The following LRRIQ3 variants were observed in gnomAD, a reference collection of about 807,000 sequenced individuals.
The protein encoded by LRRIQ3 is leucine rich repeats and IQ motif containing 3.
A neutral mutation model predicts 59.3 loss-of-function variants in LRRIQ3; 75 were observed. That is an observed-to-expected ratio of 1.26 (90% CI 1.05 to 1.53). LRRIQ3 has a LOEUF of 1.53. Ranked by LOEUF, LRRIQ3 falls within the 40% of genes most tolerant of loss-of-function variation. The pLI, the probability that LRRIQ3 is intolerant of heterozygous loss-of-function variation, is 0.00. For missense variants in LRRIQ3, 831 were observed against 710.0 expected (o/e 1.17, Z -1.94); for synonymous variants, 250 against 231.3 (o/e 1.08, Z -0.73).
At position 74,041,247 on chromosome 1, in the gene LRRIQ3, T is replaced by A; in HGVS notation, c.1684A>T (p.Arg562Ter). 1 of 1,589,038 alleles carries A rather than the reference T, an allele frequency of 6.3e-7. No individual in the cohort carries two copies. The highest frequency in any genetic ancestry group is 8.5e-7 in the Non-Finnish European group (1 of 1,171,266). The change falls in exon 7 of 8, where the codon AGA becomes TGA. Residue 562 changes from arginine to a stop codon, truncating the protein, a stop_gained. Coordinates refer to ENST00000354431, the MANE Select transcript of LRRIQ3 (RefSeq NM_001105659.2). LOFTEE classifies it low-confidence loss of function (END_TRUNC). ...VKQKLKAEKY[R>*]KNLLKEMKKV... ...TTCATTTCTTTAAGTAAATTCTTTC[T>A]ATATTTTTCTGCTTTTAGTTTTTGC... is the stretch of plus-strand genomic sequence containing the variant.
intron 6 of LRRIQ3, among the ~76,000 whole-genome samples, chr1:74,059,395 C>T (rs1037720511): frequency 6.6e-6 from 1 of 151,900 alleles, no homozygotes; most frequent in African/African-American, 2.4e-5. Context: ...GATCTATGAT[C>T]CATTTAAAGT....
intron 4 of LRRIQ3, among the ~76,000 whole-genome samples, chr1:74,139,116 A>ATG (rs1303002277): frequency 2.0e-5 from 1 of 50,786 alleles, no homozygotes; most frequent in East Asian, 1.3e-3. Context: ...ACATATATGT[A>ATG]TGTGTGTGTG....
chr1:74,186,878 TA>T (rs1436940358), intron 1 of LRRIQ3, among the ~76,000 whole-genome samples: 1 of 152,142 alleles, frequency 6.6e-6, no homozygotes, highest in Non-Finnish European at 1.5e-5. Flanking sequence ...TGATGTTACT[TA>T]ATGCAGTGTC....
At chr1:74,133,001 C>T (rs1345076885) in intron 4 of LRRIQ3, among the ~76,000 whole-genome samples, 1 of 152,092 alleles carries the variant, frequency 6.6e-6, no homozygotes, top group Non-Finnish European at 1.5e-5. Context: ...CTACAAAGAA[C>T]TTAAACAAAT....
chr1:74,147,778 T>C (rs1353341618), intron 4 of LRRIQ3, among the ~76,000 whole-genome samples: 1 of 152,142 alleles, frequency 6.6e-6, no homozygotes, highest in Non-Finnish European at 1.5e-5. Flanking sequence ...CCTTTTGGGG[T>C]TGAATCTTTT....
intron 6 of LRRIQ3, among the ~76,000 whole-genome samples, chr1:74,071,389 C>T (rs1050756454): frequency 6.6e-6 from 1 of 152,006 alleles, no homozygotes; most frequent in African/African-American, 2.4e-5. Flanking sequence ...TGGAAAATGT[C>T]AATAAACTAC....
intron 1 of LRRIQ3, among the ~76,000 whole-genome samples, chr1:74,191,550 C>T (rs1431200098): frequency 2.0e-5 from 3 of 151,982 alleles, no homozygotes; most frequent in African/African-American, 7.3e-5. Context: ...GGCCATAAAA[C>T]ATGCCTTATC....
chr1:74,033,994 A>T (rs1653795151), intron 7 of LRRIQ3, among the ~76,000 whole-genome samples: 1 of 152,108 alleles, frequency 6.6e-6, no homozygotes, highest in Admixed American at 6.6e-5. Flanking sequence ...TTTCATTTCA[A>T]AGTCTATCTT....
intron 4 of LRRIQ3, 99 bp downstream of exon 4, chr1:74,155,634 A>C: frequency 1.9e-6 from 2 of 1,076,600 alleles, no homozygotes; most frequent in Non-Finnish European, 2.6e-6. Context: ...TTAATGATAG[A>C]GAATACAAAA....
At chr1:74,045,850 A>G (rs1654186744) in intron 6 of LRRIQ3, among the ~76,000 whole-genome samples, 1 of 152,156 alleles carries the variant, frequency 6.6e-6, no homozygotes, top group African/African-American at 2.4e-5. Flanking sequence ...GTGAACTCCC[A>G]TTTACAACCA....
intron 3 of LRRIQ3, chr1:74,180,723 G>C (rs112361212): frequency 2.6e-6 from 4 of 1,549,784 alleles, no homozygotes; most frequent in African/African-American, 1.4e-5. Flanking sequence ...TGACTCATTT[G>C]CTGTCCAATA....
intron 4 of LRRIQ3, among the ~76,000 whole-genome samples, chr1:74,147,047 G>A (rs1647616288): frequency 6.6e-6 from 1 of 152,006 alleles, no homozygotes. Flanking sequence ...GGGCAACATT[G>A]CGAAACTCCA....
chr1:74,049,915 T>A (rs1179511304), intron 6 of LRRIQ3, among the ~76,000 whole-genome samples: 2 of 37,436 alleles, frequency 5.3e-5, no homozygotes, highest in East Asian at 5.2e-3. Flanking sequence ...CACCTTTGTG[T>A]CTTTTTTTTC....
At chr1:74,050,677 A>T in intron 6 of LRRIQ3, 1 of 432,740 alleles carries the variant, frequency 2.3e-6, no homozygotes, top group Non-Finnish European at 3.1e-6. Flanking sequence ...AACTGGCCTG[A>T]CACCTTTGCA....
At chr1:74,190,608 T>C (rs189660133) in intron 1 of LRRIQ3, among the ~76,000 whole-genome samples, 23 of 151,732 alleles carry the variant, frequency 1.5e-4, no homozygotes, top group Non-Finnish European at 2.1e-4. Context: ...CAATAATGAA[T>C]GACAATTTAC....
In LRRIQ3 at chr1:74,154,240, C is replaced by CAAAAAAAAAAAA. The variant is rs71078186; in HGVS notation, c.707+1481_707+1492dup. On this transcript the variant is annotated intron_variant, in intron 4 of 7. Transcript: ENST00000354431. ...TGGGCGACAGAGCGAGACTCCTTCTCAAAAAAAAAAAAAAAAAAAAAAAAA... is the reference window on the plus strand; with the variant it reads ...TGGGCGACAGAGCGAGACTCCTTCTCAAAAAAAAAAAAAAAAAAAAAAAAAAAAAAAAAAAAA... Among the ~76,000 whole-genome samples the CAAAAAAAAAAAA allele has an allele frequency of 7.2e-4, 41 of 57,278 alleles. 3 individuals carry two copies. Among genetic ancestry groups the CAAAAAAAAAAAA allele is most frequent in the African/African-American group, 1.2e-3 (16 of 13,730 alleles). 37.6% of individuals were successfully genotyped at this position (57,278 alleles called of 152,430 possible).
chr1:74,126,376 G>T (rs536279877), intron 4 of LRRIQ3, among the ~76,000 whole-genome samples: 1 of 151,114 alleles, frequency 6.6e-6, no homozygotes, highest in South Asian at 2.1e-4. Flanking sequence ...TCTTTATTAC[G>T]ATCTTGTCTT....
intron 1 of LRRIQ3, among the ~76,000 whole-genome samples, chr1:74,194,982 C>G (rs1159075576): frequency 6.6e-6 from 1 of 152,016 alleles, no homozygotes; most frequent in Non-Finnish European, 1.5e-5. Flanking sequence ...TATGATTACA[C>G]TACTGGGGAA....
chr1:74,043,764 C>A (rs1297341628), intron 6 of LRRIQ3, among the ~76,000 whole-genome samples: 3 of 152,028 alleles, frequency 2.0e-5, no homozygotes, highest in Non-Finnish European at 4.4e-5. Context: ...TATACACAAA[C>A]AAAGGAAGAC....
Sources: gnomAD v4.1 joint callset for allele counts (sites outside exome capture counted in the v4.1 genomes callset) on GRCh38, gnomAD v4.1.1 for gene constraint, MANE v1.5 for transcripts, NCBI Gene and HGNC (gene_info 2026-07-23, HGNC 2026-07-21) for gene names.